CNTN4: variants seen among roughly 807,000 people sequenced by gnomAD.
CNTN4 encodes the protein contactin 4, also known as contactin-4.
A neutral mutation model predicts 122.5 loss-of-function variants in CNTN4; 77 were observed. The ratio of observed to expected loss-of-function variants is 0.63; its 90% confidence interval spans 0.52 to 0.76. The LOEUF (loss-of-function observed/expected upper bound fraction) is 0.76. Among genes scored for constraint, CNTN4 ranks in the 30% least tolerant of loss-of-function variants. CNTN4 has a pLI of 0.00. For synonymous variants in CNTN4, 512 were observed against 447.0 expected, an observed-to-expected ratio of 1.15 and a Z score of -1.83; for missense variants, 1,256 against 1,259.1, an observed-to-expected ratio of 1.00 and a Z score of 0.04.
intron 8 of CNTN4, among the ~76,000 whole-genome samples, chr3:2,878,738 G>A (rs748806309): frequency 4.5e-4 from 68 of 152,164 alleles, no homozygotes; most frequent in Non-Finnish European, 8.4e-4. Context: ...TGCAGTGGAA[G>A]TTAGGAATAT....
intron 7 of CNTN4, among the ~76,000 whole-genome samples, chr3:2,843,963 A>C (rs1577027641): frequency 6.6e-6 from 1 of 151,866 alleles, no homozygotes; most frequent in Admixed American, 6.6e-5. Flanking sequence ...CAAACCTCTC[A>C]CCTTGGCCAG....
Position 2,834,357 on chromosome 3 carries a change from G to C in CNTN4, c.454+14776G>C, listed in dbSNP as rs1271200812. ...AGGTGGGCAGATCACTTGAGGTCAG[G>C]AGTTTCAGACCAGCCTGGCCAACAT... On this transcript the variant is annotated intron_variant, in intron 7 of 24. Transcript: ENST00000418658. Among the ~76,000 whole-genome samples the C allele has an allele frequency of 3.9e-5, 6 of 152,160 alleles. No homozygotes were observed. In the South Asian group the frequency reaches 1.0e-3, roughly 26 times the overall value.
chr3:2,941,680 C>G (rs554656785), intron 13 of CNTN4, among the ~76,000 whole-genome samples: 5 of 152,316 alleles, frequency 3.3e-5, no homozygotes, highest in African/African-American at 9.6e-5. Flanking sequence ...ACGCGTCGCT[C>G]TGCTTCTATA....
chr3:2,417,224 G>A (rs1256094149), intron 3 of CNTN4, among the ~76,000 whole-genome samples: 7 of 152,160 alleles, frequency 4.6e-5, no homozygotes, highest in Non-Finnish European at 2.9e-5. Context: ...CAATCCAGCA[G>A]TTATCCAACT....
intron 13 of CNTN4, among the ~76,000 whole-genome samples, chr3:2,978,016 G>A (rs997298883): frequency 2.0e-5 from 3 of 152,134 alleles, no homozygotes; most frequent in South Asian, 2.1e-4. Flanking sequence ...GCCAACAGCC[G>A]CCAGAAGCTG....
rs764296959 is a variant in CNTN4 at position 3,038,968 on chromosome 3, G to A, written c.2128G>A (p.Gly710Arg). ...CACACCAGCGAATGTCAGTGGTGGC[G>A]GAGGCAGCAAATCTGAACTGGTTAT... ...EVTPANVSGG[G>R]GSKSELVITW... Residue 710 changes from glycine (G) to arginine (R), a missense_variant, in exon 19 of 25, where the codon GGA becomes AGA. Gly to Arg is a moderately radical substitution (Grantham distance 125). Coordinates refer to ENST00000418658, the MANE Select transcript of CNTN4 (RefSeq NM_175607.3). 31 of 1,613,996 alleles carry A rather than the reference G, an allele frequency of 1.9e-5. No homozygotes were observed. The Admixed American group carries it at 2.2e-4, about 11-fold the overall frequency.
At chr3:2,445,490 T>G (rs1007741134) in intron 3 of CNTN4, among the ~76,000 whole-genome samples, 3 of 152,160 alleles carry the variant, frequency 2.0e-5, no homozygotes, top group African/African-American at 7.2e-5. Context: ...AATATTTAGA[T>G]CTATAGACTA....
chr3:2,508,652 C>T (rs967338227), intron 3 of CNTN4, among the ~76,000 whole-genome samples: 2 of 152,160 alleles, frequency 1.3e-5, no homozygotes, highest in African/African-American at 4.8e-5. Flanking sequence ...AAAGAGATGC[C>T]GTTTCTTGCT....
intron 13 of CNTN4, among the ~76,000 whole-genome samples, chr3:2,932,737 G>T (rs2094532359): frequency 6.6e-6 from 1 of 152,118 alleles, no homozygotes. Flanking sequence ...ATTTAAAAGG[G>T]AAAGAGCAAG....
chr3:2,445,033 A>G (rs1206964457), intron 3 of CNTN4, among the ~76,000 whole-genome samples: 2 of 151,492 alleles, frequency 1.3e-5, no homozygotes, highest in Non-Finnish European at 2.9e-5. Context: ...CTATCTATCT[A>G]TCTATCTATC....
intron 6 of CNTN4, among the ~76,000 whole-genome samples, chr3:2,751,942 A>G (rs573403134): frequency 1.3e-5 from 2 of 152,104 alleles, no homozygotes; most frequent in Non-Finnish European, 2.9e-5. Flanking sequence ...ATTTCATTCT[A>G]TGTGTCCTGT....
At chr3:2,316,377 G>C (rs552016276) in intron 2 of CNTN4, among the ~76,000 whole-genome samples, 45 of 152,000 alleles carry the variant, frequency 3.0e-4, no homozygotes, top group Non-Finnish European at 5.6e-4. Context: ...ATTTTTGAAA[G>C]CTCAAATTAC....
chr3:2,776,498 C>G (rs1283180947), intron 6 of CNTN4, among the ~76,000 whole-genome samples: 2 of 151,992 alleles, frequency 1.3e-5, no homozygotes, highest in African/African-American at 4.8e-5. Flanking sequence ...ATTAAGAGGT[C>G]AAGCTCTGTG....
intron 2 of CNTN4, among the ~76,000 whole-genome samples, chr3:2,322,998 G>T (rs2150224224): frequency 6.6e-6 from 1 of 152,226 alleles, no homozygotes; most frequent in Admixed American, 6.5e-5. Flanking sequence ...GTTCATGTCT[G>T]ACTCCTGTCA....
At chr3:2,870,311 C>G (rs2093770163) in intron 8 of CNTN4, among the ~76,000 whole-genome samples, 1 of 152,196 alleles carries the variant, frequency 6.6e-6, no homozygotes, top group South Asian at 2.1e-4. Flanking sequence ...TCTCATTCTT[C>G]AGCCATTAAT....
rs969213722 is a variant in CNTN4, at chr3:2,480,729, G to C, written c.-88-90687G>C. ...GCAGTCCCAATCAAAATCCCAGAAA[G>C]GTATTTTGTGGATATGTACTTATTG... On this transcript the variant is annotated intron_variant, in intron 3 of 24. Coordinates refer to ENST00000418658, the MANE Select transcript of CNTN4 (RefSeq NM_175607.3). Among the ~76,000 whole-genome samples the C allele has an allele frequency of 1.3e-5, 2 of 152,126 alleles. 1 individual carries two copies. The highest frequency in any genetic ancestry group is 4.1e-4 in the South Asian group (2 of 4,824).
At chr3:2,834,896 AC>A (rs2093183950) in intron 7 of CNTN4, among the ~76,000 whole-genome samples, 1 of 86,952 alleles carries the variant, frequency 1.2e-5, no homozygotes, top group Non-Finnish European at 2.1e-5. Context: ...GATAAAGGCA[AC>A]CTTTTTTTTT....
At chr3:2,383,790 C>G (rs954706904) in intron 3 of CNTN4, among the ~76,000 whole-genome samples, 4 of 150,606 alleles carry the variant, frequency 2.7e-5, no homozygotes, top group Non-Finnish European at 5.9e-5. Flanking sequence ...CTCTCCCTTT[C>G]TTTCCTCTCT....
chr3:2,729,068 T>A (rs1485531649), intron 4 of CNTN4, among the ~76,000 whole-genome samples: 1 of 152,218 alleles, frequency 6.6e-6, no homozygotes, highest in Admixed American at 6.5e-5. Context: ...GATGAAATCA[T>A]AATATTGCAT....
Sources: gnomAD v4.1 joint callset for allele counts (sites outside exome capture counted in the v4.1 genomes callset) on GRCh38, gnomAD v4.1.1 for gene constraint, MANE v1.5 for transcripts, NCBI Gene and HGNC (gene_info 2026-07-23, HGNC 2026-07-21) for gene names.